The following PPM1B variants were observed in gnomAD, a reference collection of about 807,000 sequenced individuals.
The protein encoded by PPM1B is protein phosphatase, Mg2+/Mn2+ dependent 1B.
PPM1B carries 22 observed loss-of-function variants against 43.0 expected under a neutral mutation model. The ratio of observed to expected loss-of-function variants is 0.51; its 90% CI spans 0.37 to 0.73. The LOEUF (loss-of-function observed/expected upper bound fraction) is 0.73. Among genes scored for constraint, PPM1B ranks in the 30% least tolerant of loss-of-function variants. PPM1B has a pLI of 0.00. For synonymous variants in PPM1B, 217 were observed against 197.9 expected, an observed-to-expected ratio of 1.10 and a Z score of -0.81; for missense variants, 632 against 584.2, an observed-to-expected ratio of 1.08 and a Z score of -0.84.
intron 1 of PPM1B, among the ~76,000 whole-genome samples, chr2:44,188,236 A>G (rs1034882323): frequency 1.3e-5 from 2 of 152,118 alleles, no homozygotes; most frequent in African/African-American, 4.8e-5. Context: ...ATTTGTTAAC[A>G]TCCTGTTATT....
At chr2:44,203,054 C>T (rs1200385225) in intron 2 of PPM1B, among the ~76,000 whole-genome samples, 2 of 152,106 alleles carry the variant, frequency 1.3e-5, no homozygotes. Flanking sequence ...CCAAAATGTA[C>T]TGTGGAAGGT....
intron 4 of PPM1B, 61 bp from the exon 5 acceptor site, chr2:44,218,419 T>G: frequency 1.9e-5 from 24 of 1,272,664 alleles, no homozygotes; most frequent in Non-Finnish European, 2.7e-5. Flanking sequence ...AATATTGAGA[T>G]ATTCACAAGC....
Position 44,200,265 on chromosome 2 carries a change from T to A in PPM1B, c.-14-921T>A, listed in dbSNP as rs546408069. 8.5e-5 allele frequency among the ~76,000 whole-genome samples: 13 copies of A among 152,342 alleles called. No individual in the cohort carries two copies. The East Asian group carries it at 2.5e-3, about 29-fold the overall frequency. ...ACCTAGTTAGAGTGTAGGGTTAGCA[T>A]TGTATGTAGAAAACATACCAGAGAA... is the stretch of plus-strand genomic sequence containing the variant. On this transcript the variant is annotated intron_variant, in intron 1 of 5. Transcript: ENST00000282412.
intron 1 of PPM1B, among the ~76,000 whole-genome samples, chr2:44,196,896 C>G (rs2104103939): frequency 6.6e-6 from 1 of 152,228 alleles, no homozygotes; most frequent in Admixed American, 6.5e-5. Context: ...CATTTCTAAG[C>G]CACCTTAGCA....
intron 5 of PPM1B, among the ~76,000 whole-genome samples, chr2:44,226,884 CAT>C (rs1670238088): frequency 6.7e-6 from 1 of 150,176 alleles, no homozygotes; most frequent in Non-Finnish European, 1.5e-5. Flanking sequence ...ATACTTATCA[CAT>C]GTTGTTCCAT....
chr2:44,177,062 G>A (rs780352048), intron 1 of PPM1B, among the ~76,000 whole-genome samples: 6 of 152,214 alleles, frequency 3.9e-5, no homozygotes, highest in Non-Finnish European at 7.3e-5. Context: ...TTACAGGCAT[G>A]AGCCACCGTG....
downstream of PPM1B, among the ~76,000 whole-genome samples, chr2:44,236,402 C>CAAAAAAAAAA (rs61414038): frequency 5.8e-3 from 276 of 47,518 alleles, 23 homozygotes; most frequent in African/African-American, 0.014. Context: ...GACTCCGTCT[C>CAAAAAAAAAA]AAAAAAAAAA....
At chr2:44,217,871 T>A (rs1231584884) in intron 3 of PPM1B, 96 bp from the exon 4 acceptor site, 3 of 631,404 alleles carry the variant, frequency 4.8e-6, no homozygotes. Flanking sequence ...TAATATATTT[T>A]AAAATAGGTA....
downstream of PPM1B, chr2:44,233,511 G>A (rs950509798): frequency 1.0e-6 from 1 of 985,004 alleles, no homozygotes; most frequent in Admixed American, 6.2e-5. Flanking sequence ...AAGTTTCTGG[G>A]TTAGGAGAAG....
chr2:44,232,310 C>T (rs754408610), downstream of PPM1B: 20 of 1,603,140 alleles, frequency 1.2e-5, no homozygotes, highest in Non-Finnish European at 1.4e-5. Context: ...TTTTCTCTTC[C>T]TGTAGGGTGC....
intron 5 of PPM1B, among the ~76,000 whole-genome samples, chr2:44,243,536 C>G (rs1053896279): frequency 3.9e-5 from 6 of 152,068 alleles, no homozygotes; most frequent in Non-Finnish European, 7.4e-5. Context: ...ACAACTGGAA[C>G]TTATTTCTGA....
downstream of PPM1B, chr2:44,232,321 T>A: frequency 6.2e-7 from 1 of 1,606,606 alleles, no homozygotes; most frequent in South Asian, 1.1e-5. Flanking sequence ...TGTAGGGTGC[T>A]GGAGATCTAG....
rs560869522 is a variant in PPM1B, at chr2:44,205,583, A to G, written c.846+3538A>G. Among the ~76,000 whole-genome samples, 15 of 152,292 alleles carry G rather than the reference A, an allele frequency of 9.8e-5. No homozygotes were observed. In the South Asian group the frequency reaches 3.1e-3, roughly 32 times the overall value. ...TCTTTCCAAATGGTTCTCTGTGATTATTGATAGAAATGTATAAACGTAAAA... is the reference window on the plus strand; with the variant it reads ...TCTTTCCAAATGGTTCTCTGTGATTGTTGATAGAAATGTATAAACGTAAAA... On this transcript the variant is annotated intron_variant, in intron 2 of 5. Coordinates refer to ENST00000282412, the MANE Select transcript of PPM1B (RefSeq NM_002706.6).
At chr2:44,213,341 CTTT>C (rs752341341) in intron 3 of PPM1B, among the ~76,000 whole-genome samples, 2 of 128,616 alleles carry the variant, frequency 1.6e-5, no homozygotes, top group Non-Finnish European at 3.4e-5. Flanking sequence ...TGTTTTGATT[CTTT>C]TTTTTTTTTT....
At chr2:44,242,301 A>C (rs1670766950) in intron 5 of PPM1B, among the ~76,000 whole-genome samples, 1 of 152,224 alleles carries the variant, frequency 6.6e-6, no homozygotes, top group Non-Finnish European at 1.5e-5. Flanking sequence ...GGATAGTAGT[A>C]TGTACATATA....
At chr2:44,244,923 CT>C (rs2104299289), downstream of PPM1B, among the ~76,000 whole-genome samples, 1 of 149,420 alleles carries the variant, frequency 6.7e-6, no homozygotes, top group African/African-American at 2.5e-5. Context: ...GGGCTTTTGG[CT>C]TTTTTAGGGC....
chr2:44,229,844 A>G (rs2104273254), intron 5 of PPM1B: 1 of 762,130 alleles, frequency 1.3e-6, no homozygotes, highest in African/African-American at 1.8e-5. Flanking sequence ...ATTCATACTG[A>G]GAATACTTAA....
At chr2:44,188,053 A>C (rs1668212233) in intron 1 of PPM1B, among the ~76,000 whole-genome samples, 1 of 151,978 alleles carries the variant, frequency 6.6e-6, no homozygotes. Context: ...CCCAGCCTTC[A>C]CCTTTAAATT....
At chr2:44,244,274 G>C (rs773282713) in exon 6 of PPM1B, 43 of 1,360,900 alleles carry the variant, frequency 3.2e-5, no homozygotes, top group Non-Finnish European at 4.0e-5. Context: ...GAGAGCTCTG[G>C]TGACAAGAAA....
Sources: allele counts gnomAD v4.1 joint callset (sites outside exome capture counted in the v4.1 genomes callset), GRCh38; gene constraint gnomAD v4.1.1; transcripts MANE v1.5; gene names NCBI Gene and HGNC (gene_info 2026-07-23, HGNC 2026-07-21).